RBM26: variants seen among roughly 807,000 people sequenced by gnomAD.
RBM26 encodes the protein RNA-binding protein 26.
Under a neutral mutation model 123.6 loss-of-function variants are expected in RBM26, and 30 were observed. The ratio of observed to expected loss-of-function variants is 0.24; its 90% confidence interval spans 0.18 to 0.33. The LOEUF is 0.33. RBM26 is among the 10% of genes least tolerant of loss of function. The pLI is 1.00. For synonymous variants in RBM26, 400 were observed against 404.4 expected, an observed-to-expected ratio of 0.99 and a Z score of 0.13; for missense variants, 947 against 1,203.6, an observed-to-expected ratio of 0.79 and a Z score of 3.15.
intron 9 of RBM26, among the ~76,000 whole-genome samples, chr13:79,363,674 T>C (rs1192891714): frequency 6.6e-6 from 1 of 152,186 alleles, no homozygotes; most frequent in Admixed American, 6.5e-5. Context: ...TGTAACAATA[T>C]GCATTAAGAG....
At chr13:79,367,661 G>A (rs1180500537) in intron 6 of RBM26, among the ~76,000 whole-genome samples, 2 of 151,712 alleles carry the variant, frequency 1.3e-5, no homozygotes, top group East Asian at 2.0e-4. Flanking sequence ...CTCTCCCTTC[G>A]CCTTCTACCA....
chr13:79,354,482 A>G lies in RBM26; in HGVS notation c.1943T>C (p.Ile648Thr). The G allele has an allele frequency of 6.2e-7, 1 of 1,605,744 alleles. No individual in the cohort carries two copies. The highest frequency in any genetic ancestry group is 8.5e-7 in the Non-Finnish European group (1 of 1,174,338). The stretch of plus-strand genomic sequence containing the variant: ...GGCACTCTGGGCTTCTGCAGGTTCA[A>G]TAGTACTTGAAGGTACTGGACCCAG... The part of the protein sequence containing the change: ...ERLGPVPSST[I>T]EPAEAQSASS... The change falls in exon 13 of 22, where the codon ATT (isoleucine) becomes ACT (threonine). Residue 648 changes from isoleucine to threonine, a missense_variant. By Grantham distance (89) the Ile-to-Thr change is moderately conservative. Around this residue, in one of 5 missense-constraint regions of RBM26, gnomAD observed 493 missense variants for 563.1 expected, o/e 0.88. Transcript: ENST00000438737.
At chr13:79,317,177 T>C (rs2067227170), downstream of RBM26, among the ~76,000 whole-genome samples, 1 of 151,750 alleles carries the variant, frequency 6.6e-6, no homozygotes, top group South Asian at 2.1e-4. Context: ...ATAGGCTGAA[T>C]GTAATTTGTA....
chr13:79,341,078 C>T (rs751174186), intron 18 of RBM26, 45 bp downstream of exon 18: 1 of 1,125,518 alleles, frequency 8.9e-7, no homozygotes, highest in Non-Finnish European at 1.3e-6. Context: ...ACTACAACTA[C>T]ATTTGCTTCT....
intron 3 of RBM26, chr13:79,376,255 A>T (rs985260368): frequency 1.3e-5 from 2 of 152,284 alleles, no homozygotes; most frequent in Non-Finnish European, 2.9e-5. Context: ...GCTGCAGTGT[A>T]ATGCTTTGAT....
At chr13:79,375,319 C>T (rs1450261010) in intron 3 of RBM26, among the ~76,000 whole-genome samples, 1 of 151,112 alleles carries the variant, frequency 6.6e-6, no homozygotes, top group Non-Finnish European at 1.5e-5. Context: ...ATTACAGGCA[C>T]CTGCCACCAT....
chr13:79,366,656 G>A lies in RBM26; in HGVS notation c.1112C>T (p.Pro371Leu). 1 of 1,571,730 alleles carries A rather than the reference G, an allele frequency of 6.4e-7. No homozygotes were observed. The highest frequency in any genetic ancestry group is 8.6e-7 in the Non-Finnish European group (1 of 1,156,564). Residue 371 changes from proline to leucine, a missense_variant, in exon 7 of 22, where the codon CCA becomes CTA. Coordinates refer to ENST00000438737, the MANE Select transcript of RBM26 (RefSeq NM_001366735.2). ...ACCTGTAACAGGTGGGAGACTGGGT[G>A]GCAATGGACCTGGCGGTGGTACTGG... ...RPPVPPPGPL[P>L]PSLPPVTGPP...
chr13:79,354,495 G>C lies in RBM26; in HGVS notation c.1930C>G (p.Pro644Ala). ...QSVKERLGPV[P>A]SSTIEPAEAQ... Reference sequence around the variant, plus strand: ...TCTGCAGGTTCAATAGTACTTGAAGGTACTGGACCCAGCCGCTCTTTGACT... The same window carrying C: ...TCTGCAGGTTCAATAGTACTTGAAGCTACTGGACCCAGCCGCTCTTTGACT... The change falls in exon 13 of 22, where the codon CCT becomes GCT. Residue 644 changes from proline (P) to alanine (A), a missense_variant. By Grantham distance (27) the Pro-to-Ala change is conservative. Coordinates refer to ENST00000438737, the MANE Select transcript of RBM26 (RefSeq NM_001366735.2). 1.2e-6 allele frequency: 2 copies of C among 1,609,814 alleles called. No individual in the cohort carries two copies. The highest frequency in any genetic ancestry group is 1.7e-6 in the Non-Finnish European group (2 of 1,177,036).
chr13:79,380,533 T>C (rs2076998674), intron 1 of RBM26, among the ~76,000 whole-genome samples: 1 of 151,954 alleles, frequency 6.6e-6, no homozygotes, highest in African/African-American at 2.4e-5. Context: ...TATGTATTCA[T>C]AGAGTACAAT....
At chr13:79,353,289 G>A in intron 13 of RBM26, 65 bp from the exon 14 acceptor site, 1 of 917,956 alleles carries the variant, frequency 1.1e-6, no homozygotes, top group South Asian at 1.5e-5. Flanking sequence ...TTGGGATCTT[G>A]AACATTCTGA....
Position 79,359,668 on chromosome 13 carries a change from C to T in RBM26, c.1436G>A (p.Ser479Asn). ...TGAGTCCACTACTATCCTCATACTG[C>T]TTTTATTGGGAGGCTTTTCTGTTTT... ...LPPREKPPNKSSMRIVVDSES... is the reference protein window; with the variant it reads ...LPPREKPPNKNSMRIVVDSES... Residue 479 changes from serine to asparagine, a missense_variant, in exon 10 of 22, where the codon AGC (serine) becomes AAC (asparagine). Ser to Asn is a conservative substitution (Grantham distance 46). Around this residue, in one of 5 missense-constraint regions of RBM26, gnomAD observed 493 missense variants for 563.1 expected, o/e 0.88. Transcript: ENST00000438737. The T allele has an allele frequency of 1.9e-6, 3 of 1,557,982 alleles. No individual in the cohort carries two copies. Among genetic ancestry groups the T allele is most frequent in the Non-Finnish European group, 2.6e-6 (3 of 1,156,386 alleles).
At chr13:79,315,646 G>C (rs1207465975), downstream of RBM26, among the ~76,000 whole-genome samples, 1 of 151,630 alleles carries the variant, frequency 6.6e-6, no homozygotes. Context: ...ATAAAAAGTG[G>C]ATACGAAAAA....
intron 2 of RBM26, among the ~76,000 whole-genome samples, chr13:79,378,279 A>G (rs895000031): frequency 6.6e-6 from 1 of 152,220 alleles, no homozygotes; most frequent in Non-Finnish European, 1.5e-5. Flanking sequence ...AAAAAATATC[A>G]ACATGCTTTA....
chr13:79,346,276 C>T (rs914757558), intron 14 of RBM26, among the ~76,000 whole-genome samples: 9 of 152,026 alleles, frequency 5.9e-5, no homozygotes, highest in Admixed American at 1.3e-4. Flanking sequence ...AGCCTCTAAA[C>T]GAAATAAAAA....
chr13:79,377,899 G>A (rs1980764), intron 2 of RBM26, among the ~76,000 whole-genome samples: 72,460 of 151,496 alleles, frequency 0.48, 17,902 homozygotes, highest in East Asian at 0.72. Context: ...TTGCACTCCC[G>A]CCTGGGTGAC....
chr13:79,348,795 G>A (rs896392083), intron 14 of RBM26, among the ~76,000 whole-genome samples: 1 of 151,412 alleles, frequency 6.6e-6, no homozygotes, highest in Non-Finnish European at 1.5e-5. Flanking sequence ...GAATTCTGGT[G>A]AGAAGAATGG....
At chr13:79,373,711 ATAT>A (rs2140144624) in intron 3 of RBM26, among the ~76,000 whole-genome samples, 1 of 54,598 alleles carries the variant, frequency 1.8e-5, no homozygotes, top group South Asian at 7.2e-4. Context: ...TTATATATAT[ATAT>A]TACTATATAT....
intron 1 of RBM26, among the ~76,000 whole-genome samples, chr13:79,400,942 C>T (rs574557313): frequency 6.6e-6 from 1 of 152,098 alleles, no homozygotes; most frequent in Non-Finnish European, 1.5e-5. Flanking sequence ...CAAGATTTAC[C>T]AGCGACAGGA....
At chr13:79,393,592 T>A (rs762831512) in intron 1 of RBM26, among the ~76,000 whole-genome samples, 48 of 152,206 alleles carry the variant, frequency 3.2e-4, no homozygotes, top group Admixed American at 5.2e-4. Flanking sequence ...CAGTACCATC[T>A]TCGGCTGGAG....
Sources: allele counts gnomAD v4.1 joint callset (sites outside exome capture counted in the v4.1 genomes callset), GRCh38; gene constraint gnomAD v4.1.1; regional missense constraint gnomAD v4.1.1; transcripts MANE v1.5; gene names NCBI Gene and HGNC (gene_info 2026-07-23, HGNC 2026-07-21).